Variants in ALK observed in about 807,000 individuals in gnomAD.
ALK encodes ALK receptor tyrosine kinase.
In ALK, 74 loss-of-function variants were observed where a neutral mutation model predicts 163.1. That is an observed-to-expected ratio of 0.45 (90% confidence interval 0.38 to 0.55). The LOEUF is 0.55. ALK is among the 20% of genes least tolerant of loss of function. ALK has a pLI of 0.00. For missense variants in ALK, 2,063 were observed against 2,105.3 expected (o/e 0.98, Z 0.39); for synonymous variants, 960 against 843.2 (o/e 1.14, Z -2.40).
At chr2:29,263,733 T>C (rs912095681) in intron 11 of ALK, among the ~76,000 whole-genome samples, 2 of 152,202 alleles carry the variant, frequency 1.3e-5, no homozygotes, top group Non-Finnish European at 2.9e-5. Flanking sequence ...GCAGCCATTT[T>C]GTAACCATGA....
At chr2:29,194,066 TG>T in intron 28 of ALK, 144 bp from the exon 29 acceptor site, 1 of 794,674 alleles carries the variant, frequency 1.3e-6, no homozygotes, top group South Asian at 1.7e-5. Context: ...TTACAGGCAC[TG>T]GGGCATACAA....
chr2:29,523,381 G>A (rs1329702744), intron 4 of ALK, among the ~76,000 whole-genome samples: 3 of 152,058 alleles, frequency 2.0e-5, no homozygotes, highest in African/African-American at 7.2e-5. Context: ...TGTGTCTGTC[G>A]TCCAACTCCA....
At chr2:29,814,343 A>G (rs534883942) in intron 1 of ALK, among the ~76,000 whole-genome samples, 1 of 151,800 alleles carries the variant, frequency 6.6e-6, no homozygotes, top group East Asian at 2.0e-4. Context: ...CAAGCACCTC[A>G]TCTCTGCTTG....
intron 26 of ALK, among the ~76,000 whole-genome samples, chr2:29,201,510 G>A (rs542785715): frequency 1.3e-4 from 20 of 152,134 alleles, no homozygotes; most frequent in Admixed American, 3.9e-4. Context: ...TCTTGAGGCC[G>A]GGCGCTGTGG....
At chr2:29,201,092 G>GAA (rs1157332043) in intron 26 of ALK, among the ~76,000 whole-genome samples, 2 of 143,586 alleles carry the variant, frequency 1.4e-5, no homozygotes, top group East Asian at 2.0e-4. Context: ...TATGATTAAA[G>GAA]AAAAAAAAAA....
At chr2:29,206,505 C>A in intron 26 of ALK, among the ~76,000 whole-genome samples, 1 of 152,028 alleles carries the variant, frequency 6.6e-6, no homozygotes, top group Non-Finnish European at 1.5e-5. Context: ...CTCCTGGGCT[C>A]GAGCAGTCCT....
At chr2:29,305,977 G>C (rs9309667) in intron 8 of ALK, among the ~76,000 whole-genome samples, 3 of 152,002 alleles carry the variant, frequency 2.0e-5, no homozygotes, top group Non-Finnish European at 4.4e-5. Flanking sequence ...TGGCAGTAAC[G>C]CGAGGGATGG....
At chr2:29,300,554 CAAAAAAA>C (rs10715550) in intron 8 of ALK, among the ~76,000 whole-genome samples, 1 of 95,522 alleles carries the variant, frequency 1.0e-5, no homozygotes, top group Non-Finnish European at 2.1e-5. Context: ...GACTCTGTCT[CAAAAAAA>C]AAAAAAAAAA....
intron 1 of ALK, among the ~76,000 whole-genome samples, chr2:29,859,355 C>T (rs568214154): frequency 5.3e-5 from 8 of 152,306 alleles, no homozygotes; most frequent in South Asian, 2.1e-4. Context: ...AGCTGTCCTC[C>T]GCTCTCCCTT....
intron 23 of ALK, among the ~76,000 whole-genome samples, chr2:29,218,443 G>A (rs1364188622): frequency 6.6e-6 from 1 of 151,998 alleles, no homozygotes; most frequent in East Asian, 1.9e-4. Flanking sequence ...CTGGGGTGGG[G>A]GTAGTGAGAG....
At chr2:29,266,406 G>T (rs1346129816) in intron 11 of ALK, among the ~76,000 whole-genome samples, 2 of 152,228 alleles carry the variant, frequency 1.3e-5, no homozygotes, top group Non-Finnish European at 2.9e-5. Flanking sequence ...GAAGGAGGTG[G>T]ACTGTAAATG....
chr2:29,714,258 G>A (rs904821839), intron 2 of ALK, among the ~76,000 whole-genome samples: 3 of 152,046 alleles, frequency 2.0e-5, no homozygotes, highest in Non-Finnish European at 4.4e-5. Flanking sequence ...ATTAGTGGGC[G>A]CTCGTCATTC....
At chr2:29,220,166 G>A (rs1353575951) in intron 23 of ALK, among the ~76,000 whole-genome samples, 1 of 152,202 alleles carries the variant, frequency 6.6e-6, no homozygotes, top group African/African-American at 2.4e-5. Context: ...TAGTGTTGGA[G>A]GAGGGGCCTG....
chr2:29,441,647 C>T (rs1670549190), intron 4 of ALK, among the ~76,000 whole-genome samples: 1 of 152,194 alleles, frequency 6.6e-6, no homozygotes, highest in Non-Finnish European at 1.5e-5. Context: ...ACCACCTTAA[C>T]ATCTGCCCTG....
intron 3 of ALK, among the ~76,000 whole-genome samples, chr2:29,557,335 T>C (rs1673890014): frequency 6.6e-6 from 1 of 152,190 alleles, no homozygotes; most frequent in African/African-American, 2.4e-5. Context: ...CAAATGGTCA[T>C]GAGAAATGTA....
intron 4 of ALK, among the ~76,000 whole-genome samples, chr2:29,453,492 T>TC (rs1670874930): frequency 1.3e-5 from 2 of 152,248 alleles, no homozygotes; most frequent in African/African-American, 4.8e-5. Context: ...TGCCTTGGTC[T>TC]CCTAAAGTGC....
Position 29,646,288 on chromosome 2 carries a change from C to T in ALK, c.952+48562G>A, listed in dbSNP as rs962538082. 9.2e-5 allele frequency among the ~76,000 whole-genome samples: 14 copies of T among 152,186 alleles called. No homozygotes were observed. The East Asian group carries it at 9.7e-4, about 11-fold the overall frequency. On this transcript the variant is annotated intron_variant, in intron 3 of 28. Coordinates refer to ENST00000389048, the MANE Select transcript of ALK (RefSeq NM_004304.5). Reference sequence around the variant, plus strand: ...CATTCTATGTCCAAGTCATTGGCTCCGCCTCAAAAACACCACTCCTTACCA... The same window carrying T: ...CATTCTATGTCCAAGTCATTGGCTCTGCCTCAAAAACACCACTCCTTACCA...
chr2:29,727,809 T>C (rs1413622965), intron 1 of ALK, among the ~76,000 whole-genome samples: 1 of 152,216 alleles, frequency 6.6e-6, no homozygotes. Context: ...TCTTGCATTG[T>C]TAACAATGGT....
chr2:29,227,770 A>C lies in ALK; in HGVS notation c.2816-98T>G, dbSNP rs1664052743. ...GGGGCATGCAGCTCTGGCCAAAGTTAGGGGGTCACTGGGGACCTCAGGGGC... is the reference window on the plus strand; with the variant it reads ...GGGGCATGCAGCTCTGGCCAAAGTTCGGGGGTCACTGGGGACCTCAGGGGC... On this transcript the variant is annotated intron_variant, in intron 16 of 28. Coordinates refer to ENST00000389048, the MANE Select transcript of ALK (RefSeq NM_004304.5). The surrounding 1 kb of genome is among the most constrained non-coding windows in gnomAD (Gnocchi z 4.4). 3.2e-6 allele frequency: 3 copies of C among 949,726 alleles called. No homozygotes were observed. The Admixed American group carries it at 5.4e-5, about 17-fold the overall frequency. The allele number at this position is 949,726 out of a possible 1,614,324, so 58.8% of individuals were successfully genotyped here. A position where few individuals can be genotyped will look rare whatever the true frequency, so the allele number is the denominator to read the frequency against.
Sources: allele counts gnomAD v4.1 joint callset (sites outside exome capture counted in the v4.1 genomes callset), GRCh38; gene constraint gnomAD v4.1.1; non-coding constraint Gnocchi (gnomAD v3.1); transcripts MANE v1.5; gene names NCBI Gene and HGNC (gene_info 2026-07-23, HGNC 2026-07-21).